The following KCNB2 variants were observed in gnomAD, a reference collection of about 807,000 sequenced individuals.
The protein encoded by KCNB2 is potassium voltage-gated channel subfamily B member 2.
In KCNB2, 15 loss-of-function variants were observed where a neutral mutation model predicts 61.5. The ratio of observed to expected loss-of-function variants is 0.24; its 90% CI spans 0.16 to 0.38. The LOEUF is 0.38. Ranked by LOEUF, KCNB2 falls within the 10% of genes least tolerant of loss-of-function variation. The pLI is 1.00. For synonymous variants in KCNB2, 457 were observed against 446.0 expected, an observed-to-expected ratio of 1.02 and a Z score of -0.31; for missense variants, 828 against 1,125.2, an observed-to-expected ratio of 0.74 and a Z score of 3.78.
intron 2 of KCNB2, among the ~76,000 whole-genome samples, chr8:72,617,589 C>T (rs1309891182): frequency 9.3e-6 from 1 of 108,074 alleles, no homozygotes; most frequent in South Asian, 3.1e-4. Context: ...GCTAGCATCA[C>T]AGAAGTGCAA....
intron 2 of KCNB2, among the ~76,000 whole-genome samples, chr8:72,584,304 G>A (rs979711015): frequency 1.3e-5 from 2 of 152,042 alleles, no homozygotes; most frequent in Non-Finnish European, 2.9e-5. Flanking sequence ...CCATGAAAGC[G>A]GGGAGAGTTA....
intron 2 of KCNB2, among the ~76,000 whole-genome samples, chr8:72,718,861 C>T (rs891488443): frequency 6.6e-6 from 1 of 152,032 alleles, no homozygotes; most frequent in African/African-American, 2.4e-5. Flanking sequence ...TGGGGTTCCT[C>T]CCCTCTTTCT....
At chr8:72,875,121 C>G (rs1169268102) in intron 2 of KCNB2, 1 of 152,278 alleles carries the variant, frequency 6.6e-6, no homozygotes, top group Admixed American at 6.5e-5. Flanking sequence ...CAAAGAAACA[C>G]ACACCCCCAG....
At chr8:72,764,459 C>T (rs1275177562) in intron 2 of KCNB2, among the ~76,000 whole-genome samples, 1 of 152,100 alleles carries the variant, frequency 6.6e-6, no homozygotes, top group East Asian at 1.9e-4. Context: ...ACACACAGGG[C>T]TCATGGTTCT....
chr8:72,589,403 G>C (rs1311391040), intron 2 of KCNB2, among the ~76,000 whole-genome samples: 1 of 152,176 alleles, frequency 6.6e-6, no homozygotes, highest in Non-Finnish European at 1.5e-5. Flanking sequence ...TTCAGCATAT[G>C]CTCTCCTGTT....
At chr8:72,642,630 C>T (rs556216445) in intron 2 of KCNB2, among the ~76,000 whole-genome samples, 24 of 152,120 alleles carry the variant, frequency 1.6e-4, no homozygotes, top group African/African-American at 5.8e-4. Flanking sequence ...TGTCACCCAC[C>T]GAAAGCCCAC....
chr8:72,729,834 G>A (rs1807711381), intron 2 of KCNB2, among the ~76,000 whole-genome samples: 1 of 151,440 alleles, frequency 6.6e-6, no homozygotes, highest in Non-Finnish European at 1.5e-5. Flanking sequence ...GGTTAGCTGA[G>A]ATCATGTGTC....
intron 2 of KCNB2, among the ~76,000 whole-genome samples, chr8:72,765,831 C>A (rs1002810019): frequency 1.3e-5 from 2 of 152,104 alleles, no homozygotes; most frequent in Non-Finnish European, 2.9e-5. Context: ...GGATGGGGCC[C>A]AAATATTTAA....
At chr8:72,728,823 C>T (rs185638823) in intron 2 of KCNB2, among the ~76,000 whole-genome samples, 1 of 152,200 alleles carries the variant, frequency 6.6e-6, no homozygotes, top group East Asian at 1.9e-4. Context: ...GCAAAAAGAG[C>T]AATAAACCAT....
chr8:72,618,881 C>A, intron 2 of KCNB2: 1 of 287,480 alleles, frequency 3.5e-6, no homozygotes. Flanking sequence ...ATCGTTTTAA[C>A]TCTGCCAGTT....
At chr8:72,821,749 T>C (rs901774349) in intron 2 of KCNB2, among the ~76,000 whole-genome samples, 3 of 151,422 alleles carry the variant, frequency 2.0e-5, no homozygotes, top group African/African-American at 7.3e-5. Flanking sequence ...TTACCTTCTA[T>C]AAGCAGTCAC....
rs1314372776 is a variant in KCNB2, at chr8:72,537,528, T to G, written c.-451T>G. ...CTGTTCCAGCCCTCTCTTGTCTGGG[T>G]GGCTGTGGCGGCGGCAGGGGGATGG... is the stretch of plus-strand genomic sequence containing the variant. On this transcript the variant is annotated 5_prime_UTR_variant, in exon 1 of 3. Transcript: ENST00000523207. 2 of 152,552 alleles carry G rather than the reference T, an allele frequency of 1.3e-5. No individual in the cohort carries two copies. Among genetic ancestry groups the G allele is most frequent in the Non-Finnish European group, 2.9e-5 (2 of 68,392 alleles). 9.4% of individuals were successfully genotyped at this position (152,552 alleles called of 1,614,324 possible).
At chr8:72,835,897 C>T (rs1378958036) in intron 2 of KCNB2, among the ~76,000 whole-genome samples, 2 of 152,232 alleles carry the variant, frequency 1.3e-5, no homozygotes, top group Non-Finnish European at 2.9e-5. Context: ...CTTCAGAGTA[C>T]ACAGGCCTCA....
chr8:72,887,363 A>G (rs1805823239), intron 2 of KCNB2, among the ~76,000 whole-genome samples: 1 of 152,186 alleles, frequency 6.6e-6, no homozygotes, highest in South Asian at 2.1e-4. Flanking sequence ...AAAAGCACAG[A>G]GAGAGGGAAC....
Position 72,806,364 on chromosome 8 carries a change from A to G in KCNB2, c.580-129571A>G, listed in dbSNP as rs895225987. Among the ~76,000 whole-genome samples, 69 of 151,614 alleles carry G rather than the reference A, an allele frequency of 4.6e-4. No homozygotes were observed. The East Asian group carries it at 0.011, about 24-fold the overall frequency. Reference sequence around the variant, plus strand: ...CAGAGCGAGACTCTAAGAAAAAAAAAAAAAAAAAAGAATAATTTGGCCAGG... The same window carrying G: ...CAGAGCGAGACTCTAAGAAAAAAAAGAAAAAAAAAGAATAATTTGGCCAGG... On this transcript the variant is annotated intron_variant, in intron 2 of 2. Coordinates refer to ENST00000523207, the MANE Select transcript of KCNB2 (RefSeq NM_004770.3).
chr8:72,800,713 C>T (rs1245302762), intron 2 of KCNB2, among the ~76,000 whole-genome samples: 1 of 152,150 alleles, frequency 6.6e-6, no homozygotes, highest in Non-Finnish European at 1.5e-5. Flanking sequence ...GTCCCCCAGA[C>T]CCTCAAGGGC....
intron 2 of KCNB2, among the ~76,000 whole-genome samples, chr8:72,633,777 C>A (rs753515924): frequency 6.6e-6 from 1 of 152,162 alleles, no homozygotes; most frequent in African/African-American, 2.4e-5. Flanking sequence ...GCCACCACAG[C>A]TGAAAGCATT....
intron 2 of KCNB2, among the ~76,000 whole-genome samples, chr8:72,699,442 TTTG>T (rs796873644): frequency 1.1e-4 from 8 of 74,924 alleles, no homozygotes; most frequent in African/African-American, 3.8e-4. Flanking sequence ...GATGGGGTTG[TTTG>T]TTTTTTTTCT....
In KCNB2 at chr8:72,936,018, G is replaced by T. The variant is rs374088764; in HGVS notation, c.663G>T (p.Thr221=). The part of the protein sequence containing the change: ...SLNTLPELQE[T]DEFGQLNDNR... ...ATACGCTGCCGGAGCTGCAGGAAAC[G>T]GACGAATTTGGACAACTCAATGACA... The change falls in exon 3 of 3, where the codon ACG becomes ACT. Residue 221 remains threonine, a synonymous_variant. Transcript: ENST00000523207. The surrounding 1 kb of genome is among the most constrained non-coding windows in gnomAD (Gnocchi z 5.6). 9 of 1,614,022 alleles carry T rather than the reference G, an allele frequency of 5.6e-6. No homozygotes were observed. The highest frequency in any genetic ancestry group is 1.1e-5 in the South Asian group (1 of 91,080).
Sources: allele counts gnomAD v4.1 joint callset (sites outside exome capture counted in the v4.1 genomes callset), GRCh38; gene constraint gnomAD v4.1.1; non-coding constraint Gnocchi (gnomAD v3.1); transcripts MANE v1.5; gene names NCBI Gene and HGNC (gene_info 2026-07-23, HGNC 2026-07-21).